DPP10: variants seen among roughly 807,000 people sequenced by gnomAD.
DPP10 encodes dipeptidyl peptidase like 10.
Under a neutral mutation model 120.9 loss-of-function variants are expected in DPP10, and 33 were observed. That is an observed-to-expected ratio of 0.27 (90% CI 0.21 to 0.37). The LOEUF (loss-of-function observed/expected upper bound fraction) is 0.37, where lower values mean the gene tolerates loss of function less well. DPP10 is among the 10% of genes least tolerant of loss of function. The pLI, the probability that DPP10 is intolerant of heterozygous loss-of-function variation, is 1.00. For synonymous variants in DPP10, 337 were observed against 326.1 expected (o/e 1.03, Z -0.36); for missense variants, 816 against 942.8 (o/e 0.87, Z 1.76).
intron 19 of DPP10, among the ~76,000 whole-genome samples, chr2:115,802,614 G>T (rs1395435590): frequency 6.6e-6 from 1 of 152,164 alleles, no homozygotes; most frequent in East Asian, 1.9e-4. Flanking sequence ...GTGTCCCAGA[G>T]ATTCTGGTAT....
intron 1 of DPP10, among the ~76,000 whole-genome samples, chr2:115,183,098 A>G (rs1465912563): frequency 6.6e-6 from 1 of 152,136 alleles, no homozygotes; most frequent in Non-Finnish European, 1.5e-5. Flanking sequence ...TTACTTTAAC[A>G]CTTCCCTTGG....
chr2:115,621,004 T>C (rs2084905240), intron 5 of DPP10, among the ~76,000 whole-genome samples: 1 of 152,174 alleles, frequency 6.6e-6, no homozygotes. Flanking sequence ...AAACATAATT[T>C]GCTGTTCATA....
chr2:115,072,051 T>C (rs562676253), intron 1 of DPP10, among the ~76,000 whole-genome samples: 1 of 152,024 alleles, frequency 6.6e-6, no homozygotes, highest in Admixed American at 6.6e-5. Flanking sequence ...ACAGGGACGA[T>C]AGAGGAAACT....
intron 1 of DPP10, among the ~76,000 whole-genome samples, chr2:115,053,253 G>T (rs1163518140): frequency 1.3e-5 from 2 of 152,126 alleles, no homozygotes; most frequent in African/African-American, 4.8e-5. Flanking sequence ...ACAATATGTG[G>T]TATGTTCATG....
At chr2:115,325,702 A>G (rs190816429) in intron 2 of DPP10, among the ~76,000 whole-genome samples, 5 of 152,284 alleles carry the variant, frequency 3.3e-5, no homozygotes, top group Admixed American at 2.6e-4. Context: ...TATAAATAAC[A>G]AAATGAAAAG....
chr2:114,502,212 C>G (rs1204854554), intron 1 of DPP10, among the ~76,000 whole-genome samples: 1 of 152,122 alleles, frequency 6.6e-6, no homozygotes, highest in African/African-American at 2.4e-5. Context: ...CTTGGCCTCC[C>G]AAAGTGCTGG....
At chr2:114,882,174 G>A (rs1691697663) in intron 1 of DPP10, among the ~76,000 whole-genome samples, 1 of 151,888 alleles carries the variant, frequency 6.6e-6, no homozygotes, top group Non-Finnish European at 1.5e-5. Context: ...CTACCCAAAG[G>A]AAAATAAGCC....
At chr2:115,582,960 A>G (rs1039585337) in intron 5 of DPP10, among the ~76,000 whole-genome samples, 6 of 152,192 alleles carry the variant, frequency 3.9e-5, no homozygotes, top group East Asian at 3.9e-4. Flanking sequence ...TCTCTTCCCT[A>G]TAATTAAATT....
intron 5 of DPP10, among the ~76,000 whole-genome samples, chr2:115,629,924 C>A (rs1356778341): frequency 6.6e-6 from 1 of 152,024 alleles, no homozygotes; most frequent in African/African-American, 2.4e-5. Context: ...TAGTTTTTTT[C>A]CAATTCTGTG....
At chr2:114,604,368 A>G (rs1301130723) in intron 1 of DPP10, among the ~76,000 whole-genome samples, 1 of 152,108 alleles carries the variant, frequency 6.6e-6, no homozygotes, top group Non-Finnish European at 1.5e-5. Context: ...ACTCATATTA[A>G]CATAGTCTTA....
intron 5 of DPP10, among the ~76,000 whole-genome samples, chr2:115,575,255 T>C (rs1464724622): frequency 1.3e-5 from 2 of 152,186 alleles, no homozygotes; most frequent in African/African-American, 4.8e-5. Flanking sequence ...TAAATAAACT[T>C]GCTCATACTT....
chr2:115,252,127 G>T lies in DPP10; in HGVS notation c.61-57112G>T, dbSNP rs1242958482. ...AATTATAGGATTAATTTGTTTTAAA[G>T]ATGCCAACTTTCTCTCTTATTCAGG... is the stretch of plus-strand genomic sequence containing the variant. On this transcript the variant is annotated intron_variant, in intron 1 of 25. Transcript: ENST00000410059. Among the ~76,000 whole-genome samples, 10 of 152,250 alleles carry T rather than the reference G, an allele frequency of 6.6e-5. No homozygotes were observed. In the South Asian group the frequency reaches 2.1e-3, roughly 32 times the overall value.
chr2:114,788,911 G>A (rs891137272), intron 1 of DPP10, among the ~76,000 whole-genome samples: 2 of 152,084 alleles, frequency 1.3e-5, no homozygotes, highest in Non-Finnish European at 2.9e-5. Flanking sequence ...AGCAAGCAAA[G>A]CATTTTCAGG....
At chr2:115,043,945 C>T (rs1242767959) in intron 1 of DPP10, among the ~76,000 whole-genome samples, 1 of 152,018 alleles carries the variant, frequency 6.6e-6, no homozygotes, top group Non-Finnish European at 1.5e-5. Context: ...TTATGGGGTA[C>T]ATGAGATATT....
intron 1 of DPP10, among the ~76,000 whole-genome samples, chr2:114,956,355 A>G (rs953089008): frequency 7.0e-6 from 1 of 142,140 alleles, no homozygotes; most frequent in African/African-American, 2.6e-5. Context: ...AATAAAGAAT[A>G]AATTTAAAAA....
intron 3 of DPP10, among the ~76,000 whole-genome samples, chr2:115,378,802 G>A (rs1302445648): frequency 6.6e-6 from 1 of 152,104 alleles, no homozygotes; most frequent in African/African-American, 2.4e-5. Flanking sequence ...TGCATCTATT[G>A]AGATAATCAT....
chr2:114,992,904 T>C (rs1700832607), intron 1 of DPP10, among the ~76,000 whole-genome samples: 1 of 152,240 alleles, frequency 6.6e-6, no homozygotes. Context: ...CATAAACCTG[T>C]TGTTCTTTCT....
intron 11 of DPP10, among the ~76,000 whole-genome samples, chr2:115,759,885 C>G (rs1355162037): frequency 6.6e-6 from 1 of 152,006 alleles, no homozygotes; most frequent in Admixed American, 6.6e-5. Context: ...TGGCGCATGC[C>G]TGTAATCCCA....
At chr2:115,726,482 A>C (rs568316449) in intron 7 of DPP10, among the ~76,000 whole-genome samples, 1 of 152,224 alleles carries the variant, frequency 6.6e-6, no homozygotes. Flanking sequence ...AGATTTAGAA[A>C]GGTTAAGAAT....
Sources: allele counts gnomAD v4.1 joint callset (sites outside exome capture counted in the v4.1 genomes callset), GRCh38; gene constraint gnomAD v4.1.1; transcripts MANE v1.5; gene names NCBI Gene and HGNC (gene_info 2026-07-23, HGNC 2026-07-21).